PTCH1: variants seen among roughly 807,000 people sequenced by gnomAD.
PTCH1 encodes the protein protein patched homolog 1.
A neutral mutation model predicts 144.6 loss-of-function variants in PTCH1; 14 were observed. The ratio of observed to expected loss-of-function variants is 0.10; its 90% CI spans 0.06 to 0.15. The LOEUF (loss-of-function observed/expected upper bound fraction) is 0.15, where lower values mean the gene tolerates loss of function less well. Among genes scored for constraint, PTCH1 ranks in the 10% least tolerant of loss-of-function variants. The pLI, the probability that PTCH1 is intolerant of heterozygous loss-of-function variation, is 1.00. For missense variants in PTCH1, 1,623 were observed against 1,948.3 expected (o/e 0.83, Z 3.14); for synonymous variants, 833 against 793.6 (o/e 1.05, Z -0.83).
chr9:95,507,261 A>C, intron 1 of PTCH1: 1 of 985,516 alleles, frequency 1.0e-6, no homozygotes, highest in Non-Finnish European at 1.2e-6. Flanking sequence ...GGGCAGCCAC[A>C]TGGATCTTTC....
intron 16 of PTCH1, 111 bp downstream of exon 16, chr9:95,461,745 C>T: frequency 1.4e-6 from 2 of 1,448,352 alleles, no homozygotes; most frequent in Non-Finnish European, 1.9e-6. Flanking sequence ...GCTCCCAGTG[C>T]CTTAGGTCTC....
chr9:95,513,271 C>T (rs140913299), upstream of PTCH1, among the ~76,000 whole-genome samples: 52 of 152,226 alleles, frequency 3.4e-4, no homozygotes, highest in East Asian at 5.2e-3. Context: ...CTTTAAAATC[C>T]AATGTAATTT....
chr9:95,461,625 G>A (rs1341476440), intron 16 of PTCH1, among the ~76,000 whole-genome samples: 1 of 152,204 alleles, frequency 6.6e-6, no homozygotes, highest in African/African-American at 2.4e-5. Context: ...GTAGGAACAC[G>A]CCTGTCCCAT....
At chr9:95,483,776 TG>T (rs1373684344) in intron 3 of PTCH1, 1 of 152,230 alleles carries the variant, frequency 6.6e-6, no homozygotes, top group African/African-American at 2.4e-5. Context: ...CACACATCCA[TG>T]GACATATTTA....
intron 1 of PTCH1, among the ~76,000 whole-genome samples, chr9:95,515,061 C>T (rs1844304233): frequency 6.6e-6 from 1 of 150,846 alleles, no homozygotes; most frequent in South Asian, 2.1e-4. Context: ...GCACTCCATG[C>T]ACCTGAGGCA....
chr9:95,498,031 T>G (rs1463258323), intron 2 of PTCH1, among the ~76,000 whole-genome samples: 1 of 152,146 alleles, frequency 6.6e-6, no homozygotes, highest in Non-Finnish European at 1.5e-5. Context: ...GCAGGATTCC[T>G]GAGCTAGGGG....
upstream of PTCH1, among the ~76,000 whole-genome samples, chr9:95,513,597 G>A (rs953073987): frequency 1.1e-4 from 16 of 152,120 alleles, no homozygotes; most frequent in African/African-American, 3.6e-4. Flanking sequence ...AAGCCAATGT[G>A]CCACCATCCA....
In PTCH1 at chr9:95,461,870, T is replaced by C. The variant is rs758483793; in HGVS notation, c.2689A>G (p.Ile897Val). ...AGCTGGAGTACCTGGCTGATGTCGATGGGCTTATCGCGGCTGCCGGTTTGC... is the reference window on the plus strand; with the variant it reads ...AGCTGGAGTACCTGGCTGATGTCGACGGGCTTATCGCGGCTGCCGGTTTGC... ...LVQTGSRDKPIDISQLTKQRL... is the reference protein window; with the variant it reads ...LVQTGSRDKPVDISQLTKQRL... The change falls in exon 16 of 24, where the codon ATC becomes GTC. Residue 897 changes from isoleucine (I) to valine (V), a missense_variant. By Grantham distance (29) the Ile-to-Val change is conservative (BLOSUM62 3). Around this residue, in one of 7 missense-constraint regions of PTCH1, gnomAD observed 504 missense variants for 679.3 expected, o/e 0.74. Transcript: ENST00000331920. The C allele has an allele frequency of 2.0e-5, 32 of 1,614,112 alleles. No individual in the cohort carries two copies. The highest frequency in any genetic ancestry group is 8.3e-5 in the Admixed American group (5 of 60,004).
At chr9:95,456,455 C>A (rs775698908) in intron 18 of PTCH1, 42 bp from the exon 19 acceptor site, 4 of 1,608,490 alleles carry the variant, frequency 2.5e-6, no homozygotes, top group Non-Finnish European at 8.5e-7. Flanking sequence ...GGCAGGTCAC[C>A]CTCTGGGGCT....
At chr9:95,508,056 TGTGA>T (rs1406059449) in intron 1 of PTCH1, 101 bp downstream of exon 1, 33 of 1,552,522 alleles carry the variant, frequency 2.1e-5, no homozygotes, top group African/African-American at 2.7e-5. Flanking sequence ...TGTGTGTGTG[TGTGA>T]GAGAGAGAGG....
chr9:95,469,994 C>T (rs891486923), intron 12 of PTCH1, 63 bp from the exon 13 acceptor site: 63 of 1,176,356 alleles, frequency 5.4e-5, no homozygotes, highest in Non-Finnish European at 7.9e-5. Flanking sequence ...AGGACTGCTT[C>T]GAAAATAAAG....
intron 1 of PTCH1, chr9:95,507,841 A>G: frequency 3.0e-6 from 3 of 1,006,028 alleles, no homozygotes; most frequent in Non-Finnish European, 3.9e-6. Flanking sequence ...GCCGCCCTTG[A>G]GGTGGTCCGC....
intron 16 of PTCH1, 111 bp from the exon 17 acceptor site, chr9:95,459,894 A>C: frequency 8.5e-7 from 1 of 1,180,874 alleles, no homozygotes; most frequent in South Asian, 1.3e-5. Context: ...CAAAGAATAG[A>C]ATGCCTACTG....
Position 95,507,350 on chromosome 9 carries a change from T to C in PTCH1, c.202-751A>G, listed in dbSNP as rs928306443. 14 of 985,290 alleles carry C rather than the reference T, an allele frequency of 1.4e-5. No homozygotes were observed. In the African/African-American group the frequency reaches 2.4e-4, roughly 17 times the overall value. The allele number at this position is 985,290 out of a possible 1,614,324, so 61.0% of individuals were successfully genotyped here. ...AAGGGCTCAGGCCGGCGCAGGCTGC[T>C]CCCCGGCGCGGCATTTCCCCGGCGC... is the stretch of plus-strand genomic sequence containing the variant. On this transcript the variant is annotated intron_variant, in intron 1 of 23. Transcript: ENST00000331920.
At chr9:95,510,996 G>T (rs1038405352), upstream of PTCH1, among the ~76,000 whole-genome samples, 2 of 149,848 alleles carry the variant, frequency 1.3e-5, no homozygotes, top group African/African-American at 2.4e-5. Context: ...CGGCGCGGAC[G>T]GACGTGCCGG....
chr9:95,494,450 T>C, intron 2 of PTCH1: 1 of 985,476 alleles, frequency 1.0e-6, no homozygotes, highest in Non-Finnish European at 1.2e-6. Context: ...CCGCGCCACC[T>C]GAGACAGGCC....
At position 95,469,884 on chromosome 9, in the gene PTCH1, A is replaced by G. The variant is rs2118094325; in HGVS notation, c.1776T>C (p.Phe592=). ...ATAAATCCATGCTGAGAATTGCAGGAAAAATGAGCAGAACCATGGCAAAAT... is the reference window on the plus strand; with the variant it reads ...ATAAATCCATGCTGAGAATTGCAGGGAAAATGAGCAGAACCATGGCAAAAT... ...VFNFAMVLLI[F]PAILSMDLYR... Residue 592 remains phenylalanine (F), a synonymous_variant, in exon 13 of 24, where the codon TTT becomes TTC. Coordinates refer to ENST00000331920, the MANE Select transcript of PTCH1 (RefSeq NM_000264.5). 1 of 1,614,158 alleles carries G rather than the reference A, an allele frequency of 6.2e-7. No individual in the cohort carries two copies.
Position 95,449,316 on chromosome 9 carries a change from G to A in PTCH1, c.3557C>T (p.Pro1186Leu), listed in dbSNP as rs1838242467. ...SFFGPYPEVS[P>L]ANGLNRLPTP... ...GGGCAGGCGGTTCAAGCCGTTGGCT[G>A]GAGACACCTATTTAAGGGGATTCCA... The change falls in exon 22 of 24, where the codon CCA becomes CTA. Residue 1186 changes from proline (P) to leucine (L), a missense_variant. Pro to Leu is a moderately conservative substitution (Grantham distance 98). Coordinates refer to ENST00000331920, the MANE Select transcript of PTCH1 (RefSeq NM_000264.5). This position sits in a 1 kb window ranked among gnomAD's most constrained non-coding sequence, Gnocchi z 5.3. 1 of 1,550,398 alleles carries A rather than the reference G, an allele frequency of 6.4e-7. No homozygotes were observed.
At chr9:95,450,146 T>G in intron 20 of PTCH1, 5 of 607,202 alleles carry the variant, frequency 8.2e-6, no homozygotes, top group Non-Finnish European at 1.5e-5. Flanking sequence ...AGGACTACAT[T>G]CCACAACCCA....
Sources: allele counts gnomAD v4.1 joint callset (sites outside exome capture counted in the v4.1 genomes callset), GRCh38; gene constraint gnomAD v4.1.1; regional missense constraint gnomAD v4.1.1; non-coding constraint Gnocchi (gnomAD v3.1); transcripts MANE v1.5; gene names NCBI Gene and HGNC (gene_info 2026-07-23, HGNC 2026-07-21).